Variants in PCDHA3 observed in about 807,000 individuals in gnomAD.
PCDHA3 encodes the protein protocadherin alpha 3.
Under a neutral mutation model 62.2 loss-of-function variants are expected in PCDHA3, and 41 were observed. The ratio of observed to expected loss-of-function variants is 0.66; its 90% confidence interval spans 0.51 to 0.86. The LOEUF (loss-of-function observed/expected upper bound fraction) is 0.86, where lower values mean the gene tolerates loss of function less well. Ranked by LOEUF, PCDHA3 falls within the 40% of genes least tolerant of loss-of-function variation. The pLI is 0.00. For missense variants in PCDHA3, 1,304 were observed against 1,241.2 expected (o/e 1.05, Z -0.76); for synonymous variants, 640 against 555.4 (o/e 1.15, Z -2.14).
chr5:140,883,032 C>T, intron 1 of PCDHA3: 1 of 1,614,064 alleles, frequency 6.2e-7, no homozygotes. Context: ...TTAGAGAACG[C>T]CTTCAATGGA....
intron 1 of PCDHA3, chr5:140,866,014 C>A (rs187025106): frequency 1.3e-5 from 2 of 152,026 alleles, no homozygotes; most frequent in East Asian, 3.9e-4. Flanking sequence ...TGATTTTTTT[C>A]TTGTAAGAGT....
At chr5:140,906,872 C>T (rs1421521976) in intron 1 of PCDHA3, among the ~76,000 whole-genome samples, 4 of 152,230 alleles carry the variant, frequency 2.6e-5, no homozygotes, top group African/African-American at 9.6e-5. Flanking sequence ...CCAGCCAACA[C>T]TGTAACTTCC....
chr5:140,984,666 G>T (rs769681431), intron 3 of PCDHA3, among the ~76,000 whole-genome samples: 115 of 152,058 alleles, frequency 7.6e-4, no homozygotes, highest in Admixed American at 1.2e-3. Flanking sequence ...GTACTTTTAG[G>T]TTTTTAGGAC....
At position 140,957,560 on chromosome 5, in the gene PCDHA3, G is replaced by A. The variant is rs940495695; in HGVS notation, c.2395-21389G>A. ...TTAGAAAGTATTCTCTGTGGAAAAGGAGGGACTACTGTACTTTTAACAAAG... is the reference window on the plus strand; with the variant it reads ...TTAGAAAGTATTCTCTGTGGAAAAGAAGGGACTACTGTACTTTTAACAAAG... On this transcript the variant is annotated intron_variant, in intron 1 of 3. Transcript: ENST00000522353. 2.0e-5 allele frequency among the ~76,000 whole-genome samples: 3 copies of A among 152,074 alleles called. No homozygotes were observed. In the East Asian group the frequency reaches 5.8e-4, roughly 29 times the overall value.
chr5:140,849,664 C>G, intron 1 of PCDHA3: 1 of 1,598,668 alleles, frequency 6.3e-7, no homozygotes, highest in Non-Finnish European at 8.6e-7. Flanking sequence ...TGCTCCCTGA[C>G]GCCCCACGTC....
intron 1 of PCDHA3, chr5:140,855,784 A>T: frequency 2.4e-6 from 1 of 425,516 alleles, no homozygotes; most frequent in Non-Finnish European, 4.2e-6. Flanking sequence ...TACGTAAAAA[A>T]AGAATTAACA....
chr5:140,843,678 G>A, intron 1 of PCDHA3: 2 of 1,591,412 alleles, frequency 1.3e-6, no homozygotes, highest in Non-Finnish European at 1.7e-6. Flanking sequence ...GTTGATGTAG[G>A]CGAAGAGCAA....
chr5:140,807,723 C>G (rs369564705), intron 1 of PCDHA3: 145 of 1,614,074 alleles, frequency 9.0e-5, no homozygotes, highest in Admixed American at 1.2e-4. Flanking sequence ...GAATACTTTT[C>G]TCTGGAAAAA....
At chr5:140,902,594 A>G (rs1208012043) in intron 1 of PCDHA3, among the ~76,000 whole-genome samples, 1 of 152,112 alleles carries the variant, frequency 6.6e-6, no homozygotes, top group Non-Finnish European at 1.5e-5. Context: ...TTTGGGAAAC[A>G]GGTCGTTTTC....
At chr5:140,928,817 G>A (rs868908592) in intron 1 of PCDHA3, 1 of 1,614,118 alleles carries the variant, frequency 6.2e-7, no homozygotes, top group Non-Finnish European at 8.5e-7. Flanking sequence ...CGGGACCATG[G>A]AGACCCACCA....
At chr5:140,844,316 A>C (rs1554140608) in intron 1 of PCDHA3, among the ~76,000 whole-genome samples, 1 of 149,428 alleles carries the variant, frequency 6.7e-6, no homozygotes, top group Non-Finnish European at 1.5e-5. Flanking sequence ...ATTCTTCCTA[A>C]TTTTATTATA....
At chr5:140,826,422 G>A (rs1768938309) in intron 1 of PCDHA3, among the ~76,000 whole-genome samples, 1 of 152,144 alleles carries the variant, frequency 6.6e-6, no homozygotes, top group Non-Finnish European at 1.5e-5. Flanking sequence ...TTTTAAGATA[G>A]AATTTCACAT....
At chr5:140,869,526 G>C (rs1363521095) in intron 1 of PCDHA3, 1 of 1,614,194 alleles carries the variant, frequency 6.2e-7, no homozygotes, top group Non-Finnish European at 8.5e-7. Context: ...AAAAGCTGCT[G>C]ATTGCGGAAT....
intron 1 of PCDHA3, chr5:140,850,253 C>A: frequency 6.3e-7 from 1 of 1,593,758 alleles, no homozygotes; most frequent in South Asian, 1.1e-5. Flanking sequence ...GGTCGGTGGG[C>A]GCCGGCGTAG....
intron 1 of PCDHA3, among the ~76,000 whole-genome samples, chr5:140,917,324 C>CGGGGGG (rs1299895515): frequency 3.9e-5 from 3 of 76,174 alleles, no homozygotes; most frequent in East Asian, 7.2e-4. Flanking sequence ...GTTCATGTGG[C>CGGGGGG]GGGGGAGGGG....
intron 1 of PCDHA3, among the ~76,000 whole-genome samples, chr5:140,973,273 C>T (rs1180418925): frequency 6.6e-6 from 1 of 152,150 alleles, no homozygotes; most frequent in Non-Finnish European, 1.5e-5. Context: ...ACTTTTATTT[C>T]CCCCAGCACT....
At position 140,844,592 on chromosome 5, in the gene PCDHA3, A is replaced by G. The variant is rs2150372335; in HGVS notation, c.2394+41001A>G. 4.7e-5 allele frequency among the ~76,000 whole-genome samples: 7 copies of G among 149,514 alleles called. 1 individual carries two copies. Among genetic ancestry groups the G allele is most frequent in the Admixed American group, 6.7e-5 (1 of 14,904 alleles). On this transcript the variant is annotated intron_variant, in intron 1 of 3. Coordinates refer to ENST00000522353, the MANE Select transcript of PCDHA3 (RefSeq NM_018906.3). ...AATATTCCACATTAAAGTGATATTTAATATATGACTTAGAAAAATGTTTTC... is the reference window on the plus strand; with the variant it reads ...AATATTCCACATTAAAGTGATATTTGATATATGACTTAGAAAAATGTTTTC...
At chr5:140,843,392 G>A in intron 1 of PCDHA3, 1 of 1,596,106 alleles carries the variant, frequency 6.3e-7, no homozygotes, top group Non-Finnish European at 8.6e-7. Flanking sequence ...GGGTCCGGAA[G>A]CGGCGCTGGT....
chr5:140,895,914 A>G (rs570826611), intron 1 of PCDHA3, among the ~76,000 whole-genome samples: 43 of 152,162 alleles, frequency 2.8e-4, no homozygotes, highest in Non-Finnish European at 1.3e-4. Flanking sequence ...CGGGCTCAAC[A>G]ATTATCCTGC....
Sources: allele counts gnomAD v4.1 joint callset (sites outside exome capture counted in the v4.1 genomes callset), GRCh38; gene constraint gnomAD v4.1.1; transcripts MANE v1.5; gene names NCBI Gene and HGNC (gene_info 2026-07-23, HGNC 2026-07-21).